Variants in STAMBP observed in about 807,000 individuals in gnomAD.
STAMBP encodes STAM-binding protein.
A neutral mutation model predicts 50.7 loss-of-function variants in STAMBP; 31 were observed. The ratio of observed to expected loss-of-function variants is 0.61; its 90% CI spans 0.46 to 0.83. The LOEUF (loss-of-function observed/expected upper bound fraction) is 0.83. STAMBP is among the 40% of genes least tolerant of loss of function. STAMBP has a pLI of 0.00. For synonymous variants in STAMBP, 211 were observed against 192.4 expected (o/e 1.10, Z -0.80); for missense variants, 472 against 518.9 (o/e 0.91, Z 0.88).
intron 2 of STAMBP, among the ~76,000 whole-genome samples, chr2:73,839,482 T>TTA (rs1675111913): frequency 6.6e-6 from 1 of 152,180 alleles, no homozygotes; most frequent in Non-Finnish European, 1.5e-5. Flanking sequence ...AAATGTTTGC[T>TTA]GGGATTGGGG....
intron 2 of STAMBP, among the ~76,000 whole-genome samples, chr2:73,838,389 G>A (rs1374437684): frequency 6.6e-6 from 1 of 152,282 alleles, no homozygotes; most frequent in East Asian, 1.9e-4. Context: ...ACAACTCTTT[G>A]GAGAAGTTTA....
chr2:73,840,313 G>GT (rs57827239), intron 2 of STAMBP, among the ~76,000 whole-genome samples: 27,761 of 115,418 alleles, frequency 0.24, 3,377 homozygotes, highest in East Asian at 0.41. Flanking sequence ...TTAGGGGTTT[G>GT]TTTTTTTTTT....
chr2:73,840,195 C>CTGTAG (rs1188870756), intron 2 of STAMBP, among the ~76,000 whole-genome samples: 1 of 152,030 alleles, frequency 6.6e-6, no homozygotes, highest in South Asian at 2.1e-4. Context: ...ATTCTGGACC[C>CTGTAG]TGTAGTAGAT....
chr2:73,858,436 A>G (rs1396821586), intron 7 of STAMBP, among the ~76,000 whole-genome samples: 1 of 151,982 alleles, frequency 6.6e-6, no homozygotes, highest in Non-Finnish European at 1.5e-5. Flanking sequence ...CTCCATGCCC[A>G]GCCTGTTTTT....
At chr2:73,834,269 A>G (rs1674438760) in intron 2 of STAMBP, among the ~76,000 whole-genome samples, 1 of 102,904 alleles carries the variant, frequency 9.7e-6, no homozygotes, top group African/African-American at 4.0e-5. Context: ...ATATATATAT[A>G]TATATATATA....
rs566244375 is a variant in STAMBP, at chr2:73,850,233, G to A, written c.868-143G>A. ...GCAATGTGCATCAGCAGCCAAGGTT[G>A]TGAACCACTGAGTGGCAGGACTCCT... On this transcript the variant is annotated intron_variant, in intron 6 of 9. Transcript: ENST00000394070. This position sits in a 1 kb window ranked among gnomAD's most constrained non-coding sequence, Gnocchi z 4.3. 1 of 1,108,250 alleles carries A rather than the reference G, an allele frequency of 9.0e-7. No homozygotes were observed. Among genetic ancestry groups the A allele is most frequent in the South Asian group, 1.7e-5 (1 of 59,878 alleles). The allele number at this position is 1,108,250 out of a possible 1,614,324, so 68.7% of individuals were successfully genotyped here. A position where few individuals can be genotyped will look rare whatever the true frequency, so the allele number is the denominator to read the frequency against.
chr2:73,832,084 C>CATATATATATATATATATATATATATAT (rs67469518), intron 2 of STAMBP, among the ~76,000 whole-genome samples: 4 of 118,520 alleles, frequency 3.4e-5, no homozygotes, highest in African/African-American at 1.1e-4. Context: ...GAGTAGGTAA[C>CATATATATATATATATATATATATATAT]ATATATATAT....
intron 4 of STAMBP, among the ~76,000 whole-genome samples, chr2:73,845,949 A>C (rs1172587202): frequency 6.6e-6 from 1 of 152,154 alleles, no homozygotes; most frequent in African/African-American, 2.4e-5. Flanking sequence ...GCTATTTTCA[A>C]ATGATTCTTT....
intron 5 of STAMBP, 82 bp from the exon 6 acceptor site, chr2:73,849,281 T>C: frequency 6.2e-7 from 1 of 1,604,338 alleles, no homozygotes; most frequent in Non-Finnish European, 8.5e-7. Context: ...TTAATGTTGC[T>C]CCTCCAGGGC....
Position 73,862,206 on chromosome 2 carries a change from T to C in STAMBP, c.1222T>C (p.Cys408Arg), listed in dbSNP as rs1196405018. ...CCTTTCTTTTTTCCTATTGCAGAGC[T>C]GCAGCCACGTGACTGTTGTGGACAG... is the stretch of plus-strand genomic sequence containing the variant. The part of the protein sequence containing the change: ...HSKDPPLFCS[C>R]SHVTVVDRAV... Residue 408 changes from cysteine (C) to arginine (R), a missense_variant, in exon 10 of 10, where the codon TGC (cysteine) becomes CGC (arginine). Coordinates refer to ENST00000394070, the MANE Select transcript of STAMBP (RefSeq NM_213622.4). The C allele has an allele frequency of 1.9e-6, 3 of 1,604,578 alleles. No individual in the cohort carries two copies. The South Asian group carries it at 3.4e-5, about 18-fold the overall frequency.
At position 73,847,626 on chromosome 2, in the gene STAMBP, A is replaced by G. The variant is rs779523532; in HGVS notation, c.615A>G (p.Leu205=). 6.2e-7 allele frequency: 1 copy of G among 1,614,204 alleles called. No individual in the cohort carries two copies. The highest frequency in any genetic ancestry group is 2.2e-5 in the East Asian group (1 of 44,892). ...PLVPDLEKPS[L]DVFPTLTVSS... ...TGCCTGACTTGGAGAAGCCCTCCTT[A>G]GATGTGTTCCCCACCTTAACAGTCT... Residue 205 remains leucine (L), a synonymous_variant, in exon 5 of 10, where the codon TTA becomes TTG. Coordinates refer to ENST00000394070, the MANE Select transcript of STAMBP (RefSeq NM_213622.4).
chr2:73,841,758 A>C (rs2104405556), intron 2 of STAMBP, among the ~76,000 whole-genome samples: 1 of 152,338 alleles, frequency 6.6e-6, no homozygotes, highest in South Asian at 2.1e-4. Flanking sequence ...TGGCAAAACC[A>C]GGATTTGAGC....
Position 73,849,463 on chromosome 2 carries a change from A to C in STAMBP, c.843A>C (p.Thr281=). 2 of 1,606,208 alleles carry C rather than the reference A, an allele frequency of 1.2e-6. No individual in the cohort carries two copies. The highest frequency in any genetic ancestry group is 1.7e-6 in the Non-Finnish European group (2 of 1,177,252). ...ASANTARGVE[T]CGILCGKLMR... is the part of the protein sequence containing the mutation. ...CCAACACTGCCCGGGGAGTGGAGACATGTGGAATTCTCTGTGGAAAACTGG... is the reference window on the plus strand; with the variant it reads ...CCAACACTGCCCGGGGAGTGGAGACCTGTGGAATTCTCTGTGGAAAACTGG... The change falls in exon 6 of 10, where the codon ACA becomes ACC. Residue 281 remains threonine (T), a synonymous_variant. Coordinates refer to ENST00000394070, the MANE Select transcript of STAMBP (RefSeq NM_213622.4).
rs1238708983 is a variant in STAMBP at position 73,829,479 on chromosome 2, C to A, written c.-44C>A. The A allele has an allele frequency of 6.6e-6, 1 of 152,140 alleles. No individual in the cohort carries two copies. Among genetic ancestry groups the A allele is most frequent in the South Asian group, 2.1e-4 (1 of 4,824 alleles). The allele number at this position is 152,140 out of a possible 1,614,324, so 9.4% of individuals were successfully genotyped here. ...GCTTCCTGGCCTTGGGAGGTGGTTCCTTTCTTAACCCACAAGAACCTCTCC... is the reference window on the plus strand; with the variant it reads ...GCTTCCTGGCCTTGGGAGGTGGTTCATTTCTTAACCCACAAGAACCTCTCC... On this transcript the variant is annotated 5_prime_UTR_variant, in exon 1 of 10. Coordinates refer to ENST00000394070, the MANE Select transcript of STAMBP (RefSeq NM_213622.4).
At chr2:73,848,284 A>G (rs2104514598) in intron 5 of STAMBP, among the ~76,000 whole-genome samples, 1 of 151,972 alleles carries the variant, frequency 6.6e-6, no homozygotes, top group South Asian at 2.1e-4. Context: ...GGCATTTTTT[A>G]TGAGCTGCTT....
At chr2:73,848,305 T>G (rs1410562358) in intron 5 of STAMBP, among the ~76,000 whole-genome samples, 1 of 152,158 alleles carries the variant, frequency 6.6e-6, no homozygotes, top group Non-Finnish European at 1.5e-5. Context: ...TGTTCATGCC[T>G]TTTTTGGGGG....
rs1676344917 is a variant in STAMBP at position 73,847,975 on chromosome 2, T to C, written c.742+222T>C. Among the ~76,000 whole-genome samples the C allele has an allele frequency of 2.0e-5, 3 of 152,178 alleles. No individual in the cohort carries two copies. The South Asian group carries it at 6.2e-4, about 32-fold the overall frequency. ...GGTCGATTTTCTGAAGAGCTAATAT[T>C]ATTCTTGAAAGTCAGACTGTCAACT... On this transcript the variant is annotated intron_variant, in intron 5 of 9. Coordinates refer to ENST00000394070, the MANE Select transcript of STAMBP (RefSeq NM_213622.4).
intron 2 of STAMBP, among the ~76,000 whole-genome samples, chr2:73,835,403 C>G (rs555304688): frequency 6.6e-6 from 1 of 151,624 alleles, no homozygotes; most frequent in East Asian, 1.9e-4. Context: ...AGGCTGGTCT[C>G]GAACTCCTGG....
At chr2:73,838,128 T>A (rs1295035354) in intron 2 of STAMBP, among the ~76,000 whole-genome samples, 5 of 152,158 alleles carry the variant, frequency 3.3e-5, no homozygotes, top group African/African-American at 1.2e-4. Flanking sequence ...GAATGGACAG[T>A]AAGAAAGTGG....
Sources: gnomAD v4.1 joint callset for allele counts (sites outside exome capture counted in the v4.1 genomes callset) on GRCh38, gnomAD v4.1.1 for gene constraint, Gnocchi (gnomAD v3.1) non-coding constraint, MANE v1.5 for transcripts, NCBI Gene and HGNC (gene_info 2026-07-23, HGNC 2026-07-21) for gene names.